The following KIRREL1 variants were observed in gnomAD, a reference collection of about 807,000 sequenced individuals.
KIRREL1 encodes the protein kirre like nephrin family adhesion molecule 1.
Under a neutral mutation model 83.3 loss-of-function variants are expected in KIRREL1, and 25 were observed. That is an observed-to-expected ratio of 0.30 (90% CI 0.22 to 0.42). The LOEUF (loss-of-function observed/expected upper bound fraction) is 0.42. KIRREL1 is among the 10% of genes least tolerant of loss of function. KIRREL1 has a pLI of 1.00. For missense variants in KIRREL1, 812 were observed against 1,032.3 expected (o/e 0.79, Z 2.92); for synonymous variants, 388 against 410.4 (o/e 0.95, Z 0.66).
At chr1:158,054,306 G>T (rs1486592553) in intron 1 of KIRREL1, among the ~76,000 whole-genome samples, 2 of 151,640 alleles carry the variant, frequency 1.3e-5, no homozygotes, top group Non-Finnish European at 2.9e-5. Context: ...CAAAGGGGAG[G>T]CTGCTTAACC....
intron 1 of KIRREL1, among the ~76,000 whole-genome samples, chr1:158,002,362 C>T (rs1212561040): frequency 2.0e-5 from 3 of 152,188 alleles, no homozygotes; most frequent in Non-Finnish European, 4.4e-5. Flanking sequence ...GGGTTTAGTC[C>T]CTTCAGGGTC....
At chr1:157,994,707 G>C (rs906755707) in intron 1 of KIRREL1, among the ~76,000 whole-genome samples, 1 of 152,004 alleles carries the variant, frequency 6.6e-6, no homozygotes, top group Non-Finnish European at 1.5e-5. Flanking sequence ...CCCAAAAATG[G>C]AGCTGACACA....
rs2101634573 is a variant in KIRREL1 at position 158,084,465 on chromosome 1, A to G, written c.396A>G (p.Leu132=). The change falls in exon 4 of 15, where the codon CTA becomes CTG. Residue 132 remains leucine, a synonymous_variant. Transcript: ENST00000359209. ...DTRIDGGPVI[L]LQAGTPHNLT... Reference sequence around the variant, plus strand: ...GGATTGACGGAGGCCCTGTGATTCTACTGCAGGCAGGCACCCCCCACAACC... The same window carrying G: ...GGATTGACGGAGGCCCTGTGATTCTGCTGCAGGCAGGCACCCCCCACAACC... 1.3e-6 allele frequency: 2 copies of G among 1,551,800 alleles called. No homozygotes were observed. Among genetic ancestry groups the G allele is most frequent in the African/African-American group, 2.7e-5 (2 of 73,170 alleles).
chr1:157,996,407 C>T (rs1192767098), intron 1 of KIRREL1, among the ~76,000 whole-genome samples: 2 of 151,974 alleles, frequency 1.3e-5, no homozygotes, highest in Non-Finnish European at 2.9e-5. Context: ...TATAGCTAAT[C>T]AGAGCAATGT....
Position 158,095,001 on chromosome 1 carries a change from A to G in KIRREL1, c.2155A>G (p.Thr719Ala). Residue 719 changes from threonine to alanine, a missense_variant, in exon 15 of 15, where the codon ACC (threonine) becomes GCC (alanine). Coordinates refer to ENST00000359209, the MANE Select transcript of KIRREL1 (RefSeq NM_018240.7). Reference sequence around the variant, plus strand: ...GGCCCCACCCTCTGGCCTGGAGCGGACCCCATATGAGGCGTATGACCCCAT... The same window carrying G: ...GGCCCCACCCTCTGGCCTGGAGCGGGCCCCATATGAGGCGTATGACCCCAT... ...PQAPPSGLER[T>A]PYEAYDPIGK... 6.2e-7 allele frequency: 1 copy of G among 1,613,892 alleles called. No homozygotes were observed.
At chr1:158,064,278 C>A (rs900283747) in intron 1 of KIRREL1, among the ~76,000 whole-genome samples, 1 of 152,214 alleles carries the variant, frequency 6.6e-6, no homozygotes, top group East Asian at 1.9e-4. Flanking sequence ...AAGTCTTTGG[C>A]GTCATGGTTA....
intron 1 of KIRREL1, among the ~76,000 whole-genome samples, chr1:158,034,410 A>T (rs1311067082): frequency 6.6e-6 from 1 of 151,780 alleles, no homozygotes; most frequent in Non-Finnish European, 1.5e-5. Context: ...GGCATTCTTT[A>T]TATCTCTGAA....
At chr1:158,058,820 TG>T (rs1558006363) in intron 1 of KIRREL1, among the ~76,000 whole-genome samples, 1 of 152,122 alleles carries the variant, frequency 6.6e-6, no homozygotes, top group African/African-American at 2.4e-5. Context: ...ATTCCTGAGC[TG>T]GGGGTCCAAA....
intron 3 of KIRREL1, among the ~76,000 whole-genome samples, chr1:158,080,867 G>A (rs1661829410): frequency 6.6e-6 from 1 of 152,214 alleles, no homozygotes; most frequent in Non-Finnish European, 1.5e-5. Flanking sequence ...ATCCCTTCCT[G>A]CGTACCTGCT....
intron 1 of KIRREL1, among the ~76,000 whole-genome samples, chr1:158,046,490 G>T (rs1380586574): frequency 6.6e-6 from 1 of 152,174 alleles, no homozygotes; most frequent in Non-Finnish European, 1.5e-5. Context: ...AAAGGTCTGA[G>T]CTGGGATAGA....
At chr1:158,092,399 G>GT (rs747529370) in intron 11 of KIRREL1, among the ~76,000 whole-genome samples, 1 of 144,086 alleles carries the variant, frequency 6.9e-6, no homozygotes, top group Non-Finnish European at 1.5e-5. Flanking sequence ...CCAGGCTGGA[G>GT]TGCAGTGGTG....
At chr1:157,997,109 T>A (rs1049831026) in intron 1 of KIRREL1, among the ~76,000 whole-genome samples, 1 of 152,182 alleles carries the variant, frequency 6.6e-6, no homozygotes, top group Non-Finnish European at 1.5e-5. Context: ...AAATATCTGA[T>A]CAATTGATTG....
At chr1:158,074,805 G>A (rs904182088) in intron 1 of KIRREL1, among the ~76,000 whole-genome samples, 2 of 152,148 alleles carry the variant, frequency 1.3e-5, no homozygotes, top group Admixed American at 6.5e-5. Flanking sequence ...TTGGAGTGGC[G>A]AGGGGTGAGT....
rs184062711 is a variant in KIRREL1 at position 158,030,140 on chromosome 1, G to A, written c.52+36412G>A. ...ACCTGAAGTTACCCACATGAAAGTG[G>A]TGGGACTAGAACCCACATCTTCCTG... is the stretch of plus-strand genomic sequence containing the variant. On this transcript the variant is annotated intron_variant, in intron 1 of 14. Coordinates refer to ENST00000359209, the MANE Select transcript of KIRREL1 (RefSeq NM_018240.7). 1.9e-3 allele frequency among the ~76,000 whole-genome samples: 285 copies of A among 152,300 alleles called. 4 individuals carry two copies. The highest frequency in any genetic ancestry group is 6.8e-3 in the Middle Eastern group (2 of 294).
At chr1:158,087,235 C>T (rs1167323272) in intron 5 of KIRREL1, among the ~76,000 whole-genome samples, 1 of 152,092 alleles carries the variant, frequency 6.6e-6, no homozygotes, top group Non-Finnish European at 1.5e-5. Flanking sequence ...ACAACCATTG[C>T]CTTTCTAAAT....
At position 158,084,526 on chromosome 1, in the gene KIRREL1, A is replaced by G. The variant is rs1423911425; in HGVS notation, c.457A>G (p.Thr153Ala). 7.1e-6 allele frequency: 11 copies of G among 1,551,772 alleles called. No homozygotes were observed. The highest frequency in any genetic ancestry group is 9.6e-6 in the Non-Finnish European group (11 of 1,147,004). ...CRAFNAKPAA[T>A]IIWFRDGTQQ... ...GGCCTTCAATGCGAAGCCTGCTGCCACCATCATCTGGTTCCGGGACGGGAC... is the reference window on the plus strand; with the variant it reads ...GGCCTTCAATGCGAAGCCTGCTGCCGCCATCATCTGGTTCCGGGACGGGAC... The change falls in exon 4 of 15, where the codon ACC becomes GCC. Residue 153 changes from threonine to alanine, a missense_variant. Physicochemically the swap from Thr to Ala is moderately conservative, Grantham distance 58. Coordinates refer to ENST00000359209, the MANE Select transcript of KIRREL1 (RefSeq NM_018240.7).
chr1:158,043,145 A>T (rs565480102), intron 1 of KIRREL1, among the ~76,000 whole-genome samples: 56 of 151,924 alleles, frequency 3.7e-4, no homozygotes, highest in African/African-American at 1.3e-3. Context: ...GGGCACTCCA[A>T]CACCTACTGC....
chr1:158,052,175 C>T (rs1558003926), intron 1 of KIRREL1, among the ~76,000 whole-genome samples: 1 of 152,094 alleles, frequency 6.6e-6, no homozygotes, highest in South Asian at 2.1e-4. Context: ...ATCTCTCTTC[C>T]CTCTCTTCTC....
At chr1:158,038,214 C>T (rs1056345863) in intron 1 of KIRREL1, among the ~76,000 whole-genome samples, 1 of 152,186 alleles carries the variant, frequency 6.6e-6, no homozygotes, top group Non-Finnish European at 1.5e-5. Flanking sequence ...TGCATTCATC[C>T]GTTTAGTTCT....
Sources: gnomAD v4.1 joint callset for allele counts (sites outside exome capture counted in the v4.1 genomes callset) on GRCh38, gnomAD v4.1.1 for gene constraint, MANE v1.5 for transcripts, NCBI Gene and HGNC (gene_info 2026-07-23, HGNC 2026-07-21) for gene names.